Variants in KCNK12 observed in about 807,000 individuals in gnomAD.
The protein encoded by KCNK12 is potassium two pore domain channel subfamily K member 12.
Under a neutral mutation model 25.3 loss-of-function variants are expected in KCNK12, and 6 were observed. That is an observed-to-expected ratio of 0.24 (90% CI 0.13 to 0.47). The LOEUF is 0.47. Among genes scored for constraint, KCNK12 ranks in the 20% least tolerant of loss-of-function variants. KCNK12 has a pLI of 0.99. For missense variants in KCNK12, 444 were observed against 661.7 expected, an observed-to-expected ratio of 0.67 and a Z score of 3.61; for synonymous variants, 331 against 311.1, an observed-to-expected ratio of 1.06 and a Z score of -0.67.
At chr2:47,524,604 G>C (rs1360889484) in intron 1 of KCNK12, among the ~76,000 whole-genome samples, 1 of 152,200 alleles carries the variant, frequency 6.6e-6, no homozygotes, top group Non-Finnish European at 1.5e-5. Flanking sequence ...ATTTCCTCTA[G>C]AGCATGGCAG....
intron 1 of KCNK12, among the ~76,000 whole-genome samples, chr2:47,526,405 G>GAA (rs34272868): frequency 0.18 from 15,961 of 90,584 alleles, 1,652 homozygotes; most frequent in East Asian, 0.54. Flanking sequence ...GACTCCCTCA[G>GAA]AAAAAAAAAA....
intron 1 of KCNK12, among the ~76,000 whole-genome samples, chr2:47,539,375 G>T (rs1384044850): frequency 6.6e-6 from 1 of 152,138 alleles, no homozygotes; most frequent in Non-Finnish European, 1.5e-5. Flanking sequence ...ATTTTAGGAG[G>T]TGGTAGTCAA....
At position 47,547,405 on chromosome 2, in the gene KCNK12, T is replaced by C. The variant is rs79667778; in HGVS notation, c.391+22536A>G. Among the ~76,000 whole-genome samples, 22,035 of 152,190 alleles carry C rather than the reference T, an allele frequency of 0.14. 1,836 individuals carry two copies. Among genetic ancestry groups the C allele is most frequent in the African/African-American group, 0.21 (8,861 of 41,492 alleles). Reference sequence around the variant, plus strand: ...TAAAAACTCCCAGGTAATTTTAATATGCAGCCAGGGTTGAGAACCACTCTC... The same window carrying C: ...TAAAAACTCCCAGGTAATTTTAATACGCAGCCAGGGTTGAGAACCACTCTC... On this transcript the variant is annotated intron_variant, in intron 1 of 1. Coordinates refer to ENST00000327876, the MANE Select transcript of KCNK12 (RefSeq NM_022055.2). The surrounding 1 kb of genome is among the most constrained non-coding windows in gnomAD (Gnocchi z 5.0).
In KCNK12 at chr2:47,520,583, CG is replaced by C; in HGVS notation, c.*323del. ...TGCCGGCTGCTTCTGTGCATGGGGA[CG>C]GGGTTTAGTGCCAGTCTGCAAAACC... On this transcript the variant is annotated 3_prime_UTR_variant, in exon 2 of 2. Coordinates refer to ENST00000327876, the MANE Select transcript of KCNK12 (RefSeq NM_022055.2). The surrounding 1 kb of genome is among the most constrained non-coding windows in gnomAD (Gnocchi z 5.0). 1 of 252,078 alleles carries C rather than the reference CG, an allele frequency of 4.0e-6. No homozygotes were observed. The highest frequency in any genetic ancestry group is 7.5e-6 in the Non-Finnish European group (1 of 134,138). The allele number at this position is 252,078 out of a possible 1,614,324, so 15.6% of individuals were successfully genotyped here.
At chr2:47,521,836 G>C in intron 1 of KCNK12, 28 bp from the exon 2 acceptor site, 1 of 1,483,348 alleles carries the variant, frequency 6.7e-7, no homozygotes, top group Non-Finnish European at 8.9e-7. Context: ...GGTCAGCGCG[G>C]TCCTGGCCGC....
Position 47,520,965 on chromosome 2 carries a change from C to T in KCNK12, c.1235G>A (p.Gly412Asp). 7.6e-7 allele frequency: 1 copy of T among 1,308,748 alleles called. No homozygotes were observed. The highest frequency in any genetic ancestry group is 9.7e-7 in the Non-Finnish European group (1 of 1,025,852). The allele number at this position is 1,308,748 out of a possible 1,614,324, so 81.1% of individuals were successfully genotyped here. A position where few individuals can be genotyped will look rare whatever the true frequency, so the allele number is the denominator to read the frequency against. Residue 412 changes from glycine to aspartate, a missense_variant, in exon 2 of 2, where the codon GGC becomes GAC. Physicochemically the swap from Gly to Asp is moderately conservative, Grantham distance 94 (BLOSUM62 -1). Coordinates refer to ENST00000327876, the MANE Select transcript of KCNK12 (RefSeq NM_022055.2). The surrounding 1 kb of genome is among the most constrained non-coding windows in gnomAD (Gnocchi z 5.0). ...VNTRQNGFSG[G>D]VGALGIMNNR... ...GTTCATGATGCCCAGCGCGCCCACG[C>T]CGCCCGAGAAGCCGTTCTGGCGCGT... is the stretch of plus-strand genomic sequence containing the variant.
At chr2:47,534,192 C>G (rs185190307) in intron 1 of KCNK12, among the ~76,000 whole-genome samples, 1 of 151,964 alleles carries the variant, frequency 6.6e-6, no homozygotes, top group Admixed American at 6.5e-5. Context: ...CTTTGTACCT[C>G]GGCACAGCCT....
rs1668377426 is a variant in KCNK12, at chr2:47,510,609, GA to G, written c.*10297del. Among the ~76,000 whole-genome samples, 1 of 152,174 alleles carries G rather than the reference GA, an allele frequency of 6.6e-6. No individual in the cohort carries two copies. The highest frequency in any genetic ancestry group is 2.1e-4 in the South Asian group (1 of 4,824). On this transcript the variant is annotated 3_prime_UTR_variant, in exon 2 of 2. Coordinates refer to ENST00000327876, the MANE Select transcript of KCNK12 (RefSeq NM_022055.2). ...TCACCGCACGTATTTGGTCAGCTAT[GA>G]ATATGACCAACTCTCGTCGTTTATC...
chr2:47,559,666 G>A (rs1030196740), intron 1 of KCNK12, among the ~76,000 whole-genome samples: 2 of 152,182 alleles, frequency 1.3e-5, no homozygotes, highest in Admixed American at 6.5e-5. Context: ...TACGTTTTCT[G>A]CATACCTACT....
At chr2:47,526,298 CG>C (rs1166256671) in intron 1 of KCNK12, among the ~76,000 whole-genome samples, 2 of 148,934 alleles carry the variant, frequency 1.3e-5, no homozygotes, top group African/African-American at 2.5e-5. Context: ...CCCAGCTACT[CG>C]GGAGGCTGAG....
rs185377360 is a variant in KCNK12, at chr2:47,537,504, T to A, written c.392-15696A>T. The stretch of plus-strand genomic sequence containing the variant: ...CACCACGACGCCCAGCTAATTTTTA[T>A]ATTTTTAATAGAGACAGGGTTTCAT... On this transcript the variant is annotated intron_variant, in intron 1 of 1. Coordinates refer to ENST00000327876, the MANE Select transcript of KCNK12 (RefSeq NM_022055.2). Among the ~76,000 whole-genome samples the A allele has an allele frequency of 4.6e-3, 701 of 152,188 alleles. 6 individuals carry two copies. Among genetic ancestry groups the A allele is most frequent in the African/African-American group, 0.016 (674 of 41,516 alleles).
At chr2:47,523,801 C>T (rs1378445576) in intron 1 of KCNK12, among the ~76,000 whole-genome samples, 2 of 152,220 alleles carry the variant, frequency 1.3e-5, no homozygotes, top group African/African-American at 4.8e-5. Flanking sequence ...GCAAGTCTGG[C>T]AGCGATCAGG....
chr2:47,552,024 G>A (rs1333338299), intron 1 of KCNK12, among the ~76,000 whole-genome samples: 2 of 152,138 alleles, frequency 1.3e-5, no homozygotes, highest in African/African-American at 2.4e-5. Context: ...TGGGGAGGTG[G>A]GGGGAAGGTC....
chr2:47,557,597 A>C lies in KCNK12; in HGVS notation c.391+12344T>G, dbSNP rs1445556977. Among the ~76,000 whole-genome samples, 1 of 152,108 alleles carries C rather than the reference A, an allele frequency of 6.6e-6. No homozygotes were observed. The highest frequency in any genetic ancestry group is 1.5e-5 in the Non-Finnish European group (1 of 68,018). The stretch of plus-strand genomic sequence containing the variant: ...GTCACTTGGCAATGCAGATTTCTTC[A>C]TTCTTAAAATGGATACATGAATAAT... On this transcript the variant is annotated intron_variant, in intron 1 of 1. Transcript: ENST00000327876. The surrounding 1 kb of genome is among the most constrained non-coding windows in gnomAD (Gnocchi z 4.9).
At chr2:47,546,442 T>C (rs1488783752) in intron 1 of KCNK12, among the ~76,000 whole-genome samples, 4 of 152,208 alleles carry the variant, frequency 2.6e-5, no homozygotes, top group African/African-American at 9.6e-5. Context: ...GCGATTCTCA[T>C]GTTTAAAAAG....
At position 47,529,477 on chromosome 2, in the gene KCNK12, A is replaced by G. The variant is rs925775347; in HGVS notation, c.392-7669T>C. 1.3e-5 allele frequency among the ~76,000 whole-genome samples: 2 copies of G among 152,226 alleles called. No homozygotes were observed. Among genetic ancestry groups the G allele is most frequent in the African/African-American group, 4.8e-5 (2 of 41,456 alleles). On this transcript the variant is annotated intron_variant, in intron 1 of 1. Coordinates refer to ENST00000327876, the MANE Select transcript of KCNK12 (RefSeq NM_022055.2). This position sits in a 1 kb window ranked among gnomAD's most constrained non-coding sequence, Gnocchi z 4.3. The stretch of plus-strand genomic sequence containing the variant: ...GTCCAACTACAAATATTTTGATTTA[A>G]ATTTCCATTGACCTAAAATTTTTGT...
intron 1 of KCNK12, among the ~76,000 whole-genome samples, chr2:47,539,801 C>A (rs1669156699): frequency 6.6e-6 from 1 of 152,126 alleles, no homozygotes; most frequent in African/African-American, 2.4e-5. Flanking sequence ...AAGCCGCTTC[C>A]CGGGGAGGCC....
Position 47,540,524 on chromosome 2 carries a change from G to A in KCNK12, c.392-18716C>T, listed in dbSNP as rs565871548. On this transcript the variant is annotated intron_variant, in intron 1 of 1. Transcript: ENST00000327876. The surrounding 1 kb of genome is among the most constrained non-coding windows in gnomAD (Gnocchi z 5.4). ...AGAAGTGCCTTCAGTCAGATTTAGC[G>A]CTCCATCTTCTGCCTTTCTGAAGGG... 3.9e-5 allele frequency among the ~76,000 whole-genome samples: 6 copies of A among 152,222 alleles called. No homozygotes were observed. The South Asian group carries it at 1.0e-3, about 26-fold the overall frequency.
At chr2:47,561,493 G>T (rs569953810) in intron 1 of KCNK12, among the ~76,000 whole-genome samples, 16 of 152,318 alleles carry the variant, frequency 1.1e-4, no homozygotes, top group Middle Eastern at 6.8e-3. Flanking sequence ...CACACAGCAG[G>T]GGGGCTGAGG....
Sources: allele counts gnomAD v4.1 joint callset (sites outside exome capture counted in the v4.1 genomes callset), GRCh38; gene constraint gnomAD v4.1.1; non-coding constraint Gnocchi (gnomAD v3.1); transcripts MANE v1.5; gene names NCBI Gene and HGNC (gene_info 2026-07-23, HGNC 2026-07-21).